MFSD8: variants seen among roughly 807,000 people sequenced by gnomAD.
MFSD8 encodes the protein major facilitator superfamily domain-containing protein 8.
MFSD8 carries 55 observed loss-of-function variants against 66.4 expected under a neutral mutation model. The ratio of observed to expected loss-of-function variants is 0.83; its 90% CI spans 0.67 to 1.04. The LOEUF is 1.04. MFSD8 is among the 50% of genes least tolerant of loss of function. The probability of loss-of-function intolerance (pLI) is 0.00; values close to 1 mark genes in which losing one functional copy is unlikely to be tolerated. For synonymous variants in MFSD8, 202 were observed against 212.8 expected, an observed-to-expected ratio of 0.95 and a Z score of 0.44; for missense variants, 550 against 627.6, an observed-to-expected ratio of 0.88 and a Z score of 1.32.
chr4:127,942,776 C>T (rs139763464), intron 4 of MFSD8, among the ~76,000 whole-genome samples: 2,592 of 151,662 alleles, frequency 0.017, 39 homozygotes, highest in Non-Finnish European at 0.026. Context: ...TACAATATTA[C>T]AAACTCTGTA....
In MFSD8 at chr4:127,920,489, A is replaced by G. The variant is rs1177339072; in HGVS notation, c.*141T>C. The G allele has an allele frequency of 1.0e-5, 8 of 798,130 alleles. No individual in the cohort carries two copies. Among genetic ancestry groups the G allele is most frequent in the African/African-American group, 3.4e-5 (2 of 59,196 alleles). The allele number at this position is 798,130 out of a possible 1,614,324, so 49.4% of individuals were successfully genotyped here. The stretch of plus-strand genomic sequence containing the variant: ...AATGACATGTAGAATTCTCTCTGTT[A>G]TTCAACATATGTTCTTGTTCTTCAA... On this transcript the variant is annotated 3_prime_UTR_variant, in exon 12 of 12. Coordinates refer to ENST00000641686, the MANE Select transcript of MFSD8 (RefSeq NM_001371596.2).
upstream of MFSD8, chr4:127,965,428 CG>C: frequency 9.1e-6 from 5 of 550,758 alleles, no homozygotes; most frequent in East Asian, 1.6e-4. Flanking sequence ...CGCCCTGCTC[CG>C]GGTTTGTCTT....
At chr4:127,924,196 C>T (rs929636690) in intron 9 of MFSD8, among the ~76,000 whole-genome samples, 1 of 152,014 alleles carries the variant, frequency 6.6e-6, no homozygotes, top group Non-Finnish European at 1.5e-5. Flanking sequence ...TTCAGGGATT[C>T]GACTTCTTCC....
rs566860446 is a variant in MFSD8 at position 127,918,801 on chromosome 4, T to C, written c.*1829A>G. On this transcript the variant is annotated 3_prime_UTR_variant, in exon 12 of 12. Transcript: ENST00000641686. ...AGACTGCTGTAAGAATTAAATTGTA[T>C]GTTACACATTACCTGGAATGTGGAA... The C allele has an allele frequency of 6.6e-6, 1 of 152,380 alleles. No individual in the cohort carries two copies. The highest frequency in any genetic ancestry group is 2.1e-4 in the South Asian group (1 of 4,830). 9.4% of individuals were successfully genotyped at this position (152,380 alleles called of 1,614,324 possible). A position where few individuals can be genotyped will look rare whatever the true frequency, so the allele number is the denominator to read the frequency against.
At chr4:127,920,946 A>T (rs1560716258) in intron 11 of MFSD8, 110 bp from the exon 12 acceptor site, 1 of 1,004,748 alleles carries the variant, frequency 1.0e-6, no homozygotes, top group Non-Finnish European at 1.5e-6. Context: ...TCATTTCTGC[A>T]TCTTTTACTT....
intron 2 of MFSD8, among the ~76,000 whole-genome samples, chr4:127,950,996 G>C (rs1367626407): frequency 6.6e-6 from 1 of 151,384 alleles, no homozygotes; most frequent in Non-Finnish European, 1.5e-5. Context: ...GGAGGCGGAG[G>C]TTGTAGTGAG....
chr4:127,951,513 C>A (rs1741958463), intron 2 of MFSD8, among the ~76,000 whole-genome samples: 1 of 152,096 alleles, frequency 6.6e-6, no homozygotes, highest in Non-Finnish European at 1.5e-5. Flanking sequence ...CAGGCATTAG[C>A]CACTGCGCCC....
chr4:127,947,172 C>T (rs778058512), intron 3 of MFSD8, among the ~76,000 whole-genome samples: 10 of 152,088 alleles, frequency 6.6e-5, no homozygotes, highest in South Asian at 2.1e-4. Context: ...GCAGGATCAC[C>T]TGAGGTCAGG....
chr4:127,960,398 T>C (rs1038270108), intron 1 of MFSD8, among the ~76,000 whole-genome samples: 7 of 152,068 alleles, frequency 4.6e-5, no homozygotes, highest in African/African-American at 4.8e-5. Context: ...GGCGTGGTGG[T>C]GGATGCCTGT....
chr4:127,943,535 A>C (rs1740547740), intron 4 of MFSD8: 1 of 528,574 alleles, frequency 1.9e-6, no homozygotes, highest in Admixed American at 3.2e-5. Flanking sequence ...TGAATCTTGA[A>C]GGATGAAGAA....
At chr4:127,961,513 C>T (rs1302042386) in intron 1 of MFSD8, among the ~76,000 whole-genome samples, 1 of 151,948 alleles carries the variant, frequency 6.6e-6, no homozygotes, top group Non-Finnish European at 1.5e-5. Context: ...AAAACCAGGA[C>T]GAAGCAAAAA....
rs1006453209 is a variant in MFSD8, at chr4:127,959,801, A to T, written c.63-2209T>A. On this transcript the variant is annotated intron_variant, in intron 1 of 11. Coordinates refer to ENST00000641686, the MANE Select transcript of MFSD8 (RefSeq NM_001371596.2). The stretch of plus-strand genomic sequence containing the variant: ...TTTTAATTAAAAAAGTATAACTTCA[A>T]TGAAAAAAATTATCTTTCTACCTTG... Among the ~76,000 whole-genome samples the T allele has an allele frequency of 2.0e-5, 3 of 152,238 alleles. No homozygotes were observed. In the East Asian group the frequency reaches 5.8e-4, roughly 29 times the overall value.
intron 1 of MFSD8, among the ~76,000 whole-genome samples, chr4:127,960,706 A>T (rs1255088703): frequency 3.9e-5 from 6 of 152,174 alleles, no homozygotes; most frequent in Non-Finnish European, 5.9e-5. Context: ...TTGCAAAAAA[A>T]TTTTGAAATC....
intron 2 of MFSD8, among the ~76,000 whole-genome samples, chr4:127,956,385 A>C (rs918409007): frequency 4.2e-4 from 64 of 151,290 alleles, no homozygotes; most frequent in African/African-American, 1.4e-3. Flanking sequence ...CTGTAGTCCC[A>C]GCTACTCGGG....
At position 127,939,900 on chromosome 4, in the gene MFSD8, G is replaced by A. The variant is rs1298333228; in HGVS notation, c.651C>T (p.Ser217=). The A allele has an allele frequency of 2.5e-6, 4 of 1,613,280 alleles. No homozygotes were observed. Among genetic ancestry groups the A allele is most frequent in the African/African-American group, 2.7e-5 (2 of 74,894 alleles). Residue 217 remains serine, a synonymous_variant, in exon 6 of 12, where the codon AGC becomes AGT. Coordinates refer to ENST00000641686, the MANE Select transcript of MFSD8 (RefSeq NM_001371596.2). ...TAATATTTAAAATTCCCAGGAAGGCGCTAAGTAAAACTGGTGTTGTATACA... is the reference window on the plus strand; with the variant it reads ...TAATATTTAAAATTCCCAGGAAGGCACTAAGTAAAACTGGTGTTGTATACA... The part of the protein sequence containing the change: ...INMYTTPVLL[S]AFLGILNIIL...
At chr4:127,928,344 G>C (rs1737561479) in intron 9 of MFSD8, among the ~76,000 whole-genome samples, 1 of 152,066 alleles carries the variant, frequency 6.6e-6, no homozygotes, top group Non-Finnish European at 1.5e-5. Flanking sequence ...GTCTCGAACT[G>C]CTGACCCCAA....
At chr4:127,965,211 G>GTT, upstream of MFSD8, 1 of 1,570,978 alleles carries the variant, frequency 6.4e-7, no homozygotes, top group East Asian at 2.3e-5. Context: ...GCGTGAAGCT[G>GTT]GCAAAACAAG....
chr4:127,930,838 C>A (rs1382357747), intron 8 of MFSD8, 21 bp from the exon 9 acceptor site: 1 of 1,593,686 alleles, frequency 6.3e-7, no homozygotes, highest in Admixed American at 1.7e-5. Context: ...AAAAATTATT[C>A]TTATTTTATT....
chr4:127,963,784 G>A (rs1338361346), intron 1 of MFSD8, among the ~76,000 whole-genome samples: 5 of 152,184 alleles, frequency 3.3e-5, no homozygotes, highest in Admixed American at 6.5e-5. Context: ...ACCTCAGCGG[G>A]TTGCCACTAC....
Sources: allele counts gnomAD v4.1 joint callset (sites outside exome capture counted in the v4.1 genomes callset), GRCh38; gene constraint gnomAD v4.1.1; transcripts MANE v1.5; gene names NCBI Gene and HGNC (gene_info 2026-07-23, HGNC 2026-07-21).